Variants in B3GLCT observed in about 807,000 individuals in gnomAD.
B3GLCT encodes the protein beta-1,3-glucosyltransferase.
Under a neutral mutation model 63.4 loss-of-function variants are expected in B3GLCT, and 65 were observed. The ratio of observed to expected loss-of-function variants is 1.03; its 90% CI spans 0.84 to 1.26. The LOEUF is 1.26. Among genes scored for constraint, B3GLCT ranks in the 50% most tolerant of loss-of-function variants. The pLI, the probability that B3GLCT is intolerant of heterozygous loss-of-function variation, is 0.00. For missense variants in B3GLCT, 577 were observed against 604.8 expected, an observed-to-expected ratio of 0.95 and a Z score of 0.48; for synonymous variants, 233 against 219.2, an observed-to-expected ratio of 1.06 and a Z score of -0.55.
intron 7 of B3GLCT, among the ~76,000 whole-genome samples, chr13:31,264,740 G>T (rs1034077203): frequency 6.6e-6 from 1 of 152,208 alleles, no homozygotes; most frequent in Admixed American, 6.5e-5. Context: ...CCCATCAGCT[G>T]CAACATTGGA....
rs141841977 is a variant in B3GLCT, at chr13:31,313,551, G to A, written c.1065-4015G>A. ...CGAGAGAGATGATTTAGGGTATGTG[G>A]TGGAAGAAATTTCTAAGCAGAAAAG... On this transcript the variant is annotated intron_variant, in intron 12 of 14. Coordinates refer to ENST00000343307, the MANE Select transcript of B3GLCT (RefSeq NM_194318.4). Among the ~76,000 whole-genome samples, 36 of 152,314 alleles carry A rather than the reference G, an allele frequency of 2.4e-4. No individual in the cohort carries two copies. In the East Asian group the frequency reaches 6.8e-3, roughly 29 times the overall value.
chr13:31,291,841 C>G (rs1259916484), intron 12 of B3GLCT, among the ~76,000 whole-genome samples: 1 of 152,160 alleles, frequency 6.6e-6, no homozygotes, highest in East Asian at 1.9e-4. Flanking sequence ...GCCAGAACTT[C>G]CAATACTGTG....
chr13:31,329,299 A>G (rs1875793817), intron 14 of B3GLCT, among the ~76,000 whole-genome samples: 1 of 152,232 alleles, frequency 6.6e-6, no homozygotes, highest in African/African-American at 2.4e-5. Context: ...CATTTGGGGT[A>G]TTAAGGTAAT....
rs773268537 is a variant in B3GLCT, at chr13:31,276,724, A to G, written c.803A>G (p.Asp268Gly). The G allele has an allele frequency of 4.8e-5, 77 of 1,613,006 alleles. No individual in the cohort carries two copies. Among genetic ancestry groups the G allele is most frequent in the Non-Finnish European group, 6.4e-5 (76 of 1,179,178 alleles). ...PLCRKPVKKK[D>G]IFVAVKTCKK... ...TAGAGAAAGCCAGTGAAGAAGAAGGATATTTTTGTTGCAGTAAAAACATGC... is the reference window on the plus strand; with the variant it reads ...TAGAGAAAGCCAGTGAAGAAGAAGGGTATTTTTGTTGCAGTAAAAACATGC... Residue 268 changes from aspartate (D) to glycine (G), a missense_variant, in exon 10 of 15, where the codon GAT becomes GGT. Physicochemically the swap from Asp to Gly is moderately conservative, Grantham distance 94 (BLOSUM62 -1). Transcript: ENST00000343307.
chr13:31,201,678 G>A (rs377586773), intron 1 of B3GLCT, among the ~76,000 whole-genome samples: 54 of 152,094 alleles, frequency 3.6e-4, no homozygotes, highest in African/African-American at 1.3e-3. Context: ...CTGTACTGGG[G>A]GTATAATATT....
At chr13:31,299,283 G>T (rs1566088473) in intron 12 of B3GLCT, among the ~76,000 whole-genome samples, 1 of 152,172 alleles carries the variant, frequency 6.6e-6, no homozygotes, top group Non-Finnish European at 1.5e-5. Flanking sequence ...ACTCTGAGGA[G>T]ACTATCTCTG....
chr13:31,317,782 G>A, intron 13 of B3GLCT, 97 bp downstream of exon 13: 3 of 1,450,356 alleles, frequency 2.1e-6, no homozygotes, highest in Non-Finnish European at 2.9e-6. Context: ...TACTGTACGT[G>A]AGTACTCTGT....
intron 12 of B3GLCT, among the ~76,000 whole-genome samples, chr13:31,297,646 G>T (rs569956400): frequency 2.0e-5 from 3 of 152,006 alleles, no homozygotes; most frequent in African/African-American, 7.2e-5. Context: ...TGGAGATAGT[G>T]CCAATTCCCA....
intron 4 of B3GLCT, among the ~76,000 whole-genome samples, chr13:31,237,390 G>A (rs183783092): frequency 5.0e-4 from 64 of 129,114 alleles, no homozygotes; most frequent in Non-Finnish European, 8.1e-4. Context: ...TTTTGCTTCT[G>A]TTTCCTAGGC....
At position 31,318,464 on chromosome 13, in the gene B3GLCT, G is replaced by A. The variant is rs188813525; in HGVS notation, c.1184+779G>A. Among the ~76,000 whole-genome samples, 19 of 152,214 alleles carry A rather than the reference G, an allele frequency of 1.2e-4. 1 individual carries two copies. Among genetic ancestry groups the A allele is most frequent in the South Asian group, 2.1e-4 (1 of 4,824 alleles). ...AGGAACCTGCAGGATCTCAACAGTC[G>A]TACTACAGGCATCCTGATTTTGTTT... On this transcript the variant is annotated intron_variant, in intron 13 of 14. Transcript: ENST00000343307.
chr13:31,287,259 T>A (rs1050024465), intron 12 of B3GLCT, among the ~76,000 whole-genome samples: 4 of 152,162 alleles, frequency 2.6e-5, no homozygotes, highest in African/African-American at 9.7e-5. Flanking sequence ...AAGAGCCCCC[T>A]TATGTATTCA....
chr13:31,276,919 C>T (rs1262482526), intron 10 of B3GLCT, 148 bp downstream of exon 10: 2 of 684,878 alleles, frequency 2.9e-6, no homozygotes, highest in Non-Finnish European at 5.2e-6. Context: ...ATCAATACTC[C>T]TCATTGCACC....
At chr13:31,313,727 TGTAAGTA>T (rs1874844340) in intron 12 of B3GLCT, among the ~76,000 whole-genome samples, 1 of 152,170 alleles carries the variant, frequency 6.6e-6, no homozygotes, top group African/African-American at 2.4e-5. Context: ...CAGAAATTTG[TGTAAGTA>T]GCAAGTAGCC....
intron 12 of B3GLCT, among the ~76,000 whole-genome samples, chr13:31,291,653 C>T (rs777317835): frequency 1.5e-4 from 23 of 152,014 alleles, no homozygotes; most frequent in Non-Finnish European, 3.4e-4. Flanking sequence ...TTGTGATTTT[C>T]GCACATTGAT....
intron 3 of B3GLCT, among the ~76,000 whole-genome samples, chr13:31,225,160 C>A (rs1481403686): frequency 6.6e-6 from 1 of 152,170 alleles, no homozygotes; most frequent in Non-Finnish European, 1.5e-5. Flanking sequence ...ACTTAGTGTG[C>A]GGCCCATTTA....
intron 1 of B3GLCT, among the ~76,000 whole-genome samples, chr13:31,214,747 G>C (rs922396328): frequency 6.6e-6 from 1 of 152,204 alleles, no homozygotes; most frequent in African/African-American, 2.4e-5. Flanking sequence ...ATAGTATTTT[G>C]TACACATCTA....
chr13:31,223,393 G>A (rs1050938181), intron 3 of B3GLCT, among the ~76,000 whole-genome samples: 12 of 152,272 alleles, frequency 7.9e-5, no homozygotes, highest in Middle Eastern at 6.8e-3. Flanking sequence ...GGCCGTCCGG[G>A]AGCAGGCTGT....
intron 10 of B3GLCT, 99 bp downstream of exon 10, chr13:31,276,870 T>C: frequency 1.1e-6 from 1 of 885,236 alleles, no homozygotes; most frequent in Non-Finnish European, 1.9e-6. Context: ...AGAAAAGGGA[T>C]AATGACAATT....
At chr13:31,299,693 C>A (rs975579923) in intron 12 of B3GLCT, among the ~76,000 whole-genome samples, 1 of 152,154 alleles carries the variant, frequency 6.6e-6, no homozygotes, top group Non-Finnish European at 1.5e-5. Context: ...CCCCCATATC[C>A]ACTAATTTCA....
Sources: allele counts gnomAD v4.1 joint callset (sites outside exome capture counted in the v4.1 genomes callset), GRCh38; gene constraint gnomAD v4.1.1; transcripts MANE v1.5; gene names NCBI Gene and HGNC (gene_info 2026-07-23, HGNC 2026-07-21).